The following RPS4Y2 variants were observed in gnomAD, a reference collection of about 807,000 sequenced individuals.
RPS4Y2 encodes the protein small ribosomal subunit protein eS4, Y isoform 2.
In RPS4Y2, 6 loss-of-function variants were observed where a neutral mutation model predicts 5.0. The observed-to-expected ratio is 1.20, with a 90% CI of 0.66 to 2.37. The LOEUF (loss-of-function observed/expected upper bound fraction) is 2.37, where lower values mean the gene tolerates loss of function less well. Ranked by LOEUF, RPS4Y2 falls within the 30% of genes most tolerant of loss-of-function variation. The pLI is 0.00. For synonymous variants in RPS4Y2, 19 were observed against 19.9 expected (o/e 0.96, Z 0.12); for missense variants, 80 against 59.5 (o/e 1.34, Z -1.13).
In RPS4Y2 at chrY:20,761,306, A is replaced by G. The variant is rs752605582; in HGVS notation, c.285A>G (p.Thr95=). Residue 95 remains threonine (T), a synonymous_variant, in exon 4 of 7, where the codon ACA becomes ACG. Coordinates refer to ENST00000629237, the MANE Select transcript of RPS4Y2 (RefSeq NM_001039567.3). ...GFIDVISIEK[T]GEHFRLVYNT... The stretch of plus-strand genomic sequence containing the variant: ...CAGATGTCATCAGCATTGAGAAAAC[A>G]GGTGAGCATTTCCGCCTGGTCTATA... 5.1e-6 allele frequency: 2 copies of G among 392,681 alleles called. No homozygotes were observed. Among genetic ancestry groups the G allele is most frequent in the Non-Finnish European group, 3.6e-6 (1 of 277,894 alleles).
At position 20,759,894 on chromosome Y, in the gene RPS4Y2, C is replaced by A. The variant is rs754924249; in HGVS notation, c.108C>A (p.His36Gln). 5.0e-6 allele frequency: 2 copies of A among 398,511 alleles called. No individual in the cohort carries two copies. Among genetic ancestry groups the A allele is most frequent in the Non-Finnish European group, 7.1e-6 (2 of 283,224 alleles). The change falls in exon 3 of 7, where the codon CAC becomes CAA. Residue 36 changes from histidine to glutamine, a missense_variant. Physicochemically the swap from His to Gln is conservative, Grantham distance 24 (BLOSUM62 0). Coordinates refer to ENST00000629237, the MANE Select transcript of RPS4Y2 (RefSeq NM_001039567.3). ...CACCTCGTCCATCGACAGGTCCTCA[C>A]AAGCTGAGGGAATGTCTTCCCCTGA... ...VFAPRPSTGP[H>Q]KLRECLPLIV...
In RPS4Y2 at chrY:20,756,153, G is replaced by A. The variant is rs376473093; in HGVS notation, c.-11G>A. ...AAAAGGAGAGGTTCTGTTCCGTCGCGGGATTTCGCCATGGTAAGACGTCTG... is the reference window on the plus strand; with the variant it reads ...AAAAGGAGAGGTTCTGTTCCGTCGCAGGATTTCGCCATGGTAAGACGTCTG... On this transcript the variant is annotated 5_prime_UTR_variant, in exon 1 of 7. Transcript: ENST00000629237. 1.0e-5 allele frequency: 4 copies of A among 397,350 alleles called. No homozygotes were observed. Among genetic ancestry groups the A allele is most frequent in the Non-Finnish European group, 1.1e-5 (3 of 281,922 alleles).
chrY:20,759,918 G>A lies in RPS4Y2; in HGVS notation c.132G>A (p.Leu44=). 2.5e-6 allele frequency: 1 copy of A among 398,276 alleles called. No individual in the cohort carries two copies. Among genetic ancestry groups the A allele is most frequent in the Non-Finnish European group, 3.5e-6 (1 of 282,972 alleles). ...GPHKLRECLP[L]IVFLRNRLKY... is the part of the protein sequence containing the mutation. ...ACAAGCTGAGGGAATGTCTTCCCCTGATAGTCTTCCTCAGGAATAGACTCA... is the reference window on the plus strand; with the variant it reads ...ACAAGCTGAGGGAATGTCTTCCCCTAATAGTCTTCCTCAGGAATAGACTCA... The change falls in exon 3 of 7, where the codon CTG becomes CTA. Residue 44 remains leucine, a synonymous_variant. Transcript: ENST00000629237.
Position 20,780,999 on chromosome Y carries a change from C to A in RPS4Y2, c.759C>A (p.Asp253Glu). The part of the protein sequence containing the change: ...GIRLTIAEER[D>E]KRLAAKQSSG ...GACTTACTATTGCTGAAGAGAGAGACAAGAGGCTGGCTGCCAAACAGAGCA... is the reference window on the plus strand; with the variant it reads ...GACTTACTATTGCTGAAGAGAGAGAAAAGAGGCTGGCTGCCAAACAGAGCA... The change falls in exon 7 of 7, where the codon GAC becomes GAA. Residue 253 changes from aspartate to glutamate, a missense_variant. Physicochemically the swap from Asp to Glu is conservative, Grantham distance 45. Coordinates refer to ENST00000629237, the MANE Select transcript of RPS4Y2 (RefSeq NM_001039567.3). The A allele has an allele frequency of 2.5e-6, 1 of 393,466 alleles. No individual in the cohort carries two copies. Among genetic ancestry groups the A allele is most frequent in the South Asian group, 3.0e-5 (1 of 33,340 alleles).
intron 4 of RPS4Y2, 33 bp downstream of exon 4, chrY:20,761,414 G>A: frequency 3.5e-6 from 1 of 283,903 alleles, no homozygotes. Context: ...AGACAGATAG[G>A]TCTGTTGCTA....
Position 20,756,150 on chromosome Y carries a change from C to T in RPS4Y2, c.-14C>T. On this transcript the variant is annotated 5_prime_UTR_variant, in exon 1 of 7. Coordinates refer to ENST00000629237, the MANE Select transcript of RPS4Y2 (RefSeq NM_001039567.3). ...CGTAAAAGGAGAGGTTCTGTTCCGT[C>T]GCGGGATTTCGCCATGGTAAGACGT... is the stretch of plus-strand genomic sequence containing the variant. 2.5e-6 allele frequency: 1 copy of T among 396,667 alleles called. No homozygotes were observed.
Position 20,780,974 on chromosome Y carries a change from G to A in RPS4Y2, c.734G>A (p.Arg245Gln), listed in dbSNP as rs778334861. 2.5e-6 allele frequency: 1 copy of A among 395,538 alleles called. No homozygotes were observed. The highest frequency in any genetic ancestry group is 3.6e-6 in the Non-Finnish European group (1 of 280,926). Reference protein sequence around the residue: ...WISLPRGKGIRLTIAEERDKR... With the variant: ...WISLPRGKGIQLTIAEERDKR... ...TCCCTGCCCAGGGGAAAGGGCATCC[G>A]ACTTACTATTGCTGAAGAGAGAGAC... The change falls in exon 7 of 7, where the codon CGA (arginine) becomes CAA (glutamine). Residue 245 changes from arginine to glutamine, a missense_variant. Arg to Gln is a conservative substitution (Grantham distance 43). Transcript: ENST00000629237.
In RPS4Y2 at chrY:20,760,011, G is replaced by T; in HGVS notation, c.225G>T (p.Lys75Asn). The T allele has an allele frequency of 5.0e-6, 2 of 398,188 alleles. No homozygotes were observed. Among genetic ancestry groups the T allele is most frequent in the Non-Finnish European group, 7.1e-6 (2 of 282,708 alleles). Residue 75 changes from lysine (K) to asparagine (N), a missense_variant, in exon 3 of 7, where the codon AAG becomes AAT. Coordinates refer to ENST00000629237, the MANE Select transcript of RPS4Y2 (RefSeq NM_001039567.3). ...AACACTTCCTCAAAATTGATGGCAA[G>T]GTTCGAGTGGACATCACATACCCTG... Reference protein sequence around the residue: ...CMQHFLKIDGKVRVDITYPAG... With the variant: ...CMQHFLKIDGNVRVDITYPAG...
intron 5 of RPS4Y2, 36 bp downstream of exon 5, chrY:20,769,012 C>T: frequency 4.0e-6 from 1 of 248,040 alleles, no homozygotes; most frequent in Non-Finnish European, 6.5e-6. Flanking sequence ...TTTCCCTTGT[C>T]TGTTGGCCAC....
intron 4 of RPS4Y2, 26 bp from the exon 5 acceptor site, chrY:20,768,779 T>A: frequency 2.7e-6 from 1 of 375,201 alleles, no homozygotes; most frequent in Non-Finnish European, 3.8e-6. Flanking sequence ...GTTTACATGC[T>A]AAATTGGTTT....
At chrY:20,756,690 C>A in intron 1 of RPS4Y2, 88 bp from the exon 2 acceptor site, 5 of 241,427 alleles carry the variant, frequency 2.1e-5, no homozygotes, top group South Asian at 1.7e-4. Flanking sequence ...TCCGGTATTA[C>A]CCGTTAGCAG....
chrY:20,761,382 G>A lies in RPS4Y2; in HGVS notation c.360+1G>A. The A allele has an allele frequency of 2.8e-6, 1 of 358,756 alleles. No individual in the cohort carries two copies. Among genetic ancestry groups the A allele is most frequent in the Non-Finnish European group, 4.0e-6 (1 of 246,932 alleles). 89.5% of individuals were successfully genotyped at this position (358,756 alleles called of 400,897 possible). On this transcript the variant is annotated splice_donor_variant, in intron 4 of 6. Transcript: ENST00000629237. LOFTEE classifies it high-confidence loss of function. ...TCGTATCACAGTGGAAGAGGCAAAGGTAAGTGAGCTTTATAATTTCCAGAC... is the reference window on the plus strand; with the variant it reads ...TCGTATCACAGTGGAAGAGGCAAAGATAAGTGAGCTTTATAATTTCCAGAC...
At position 20,768,841 on chromosome Y, in the gene RPS4Y2, A is replaced by G. The variant is rs765996121; in HGVS notation, c.397A>G (p.Thr133Ala). The G allele has an allele frequency of 6.3e-5, 25 of 394,471 alleles. No homozygotes were observed. In the South Asian group the frequency reaches 7.4e-4, roughly 12 times the overall value. ...LCKVRKITVG[T>A]KGIPHLVTHD... ...CAAAGTGAGGAAGATTACTGTGGGG[A>G]CAAAGGGAATTCCACACCTGGTGAC... The change falls in exon 5 of 7, where the codon ACA becomes GCA. Residue 133 changes from threonine to alanine, a missense_variant. Coordinates refer to ENST00000629237, the MANE Select transcript of RPS4Y2 (RefSeq NM_001039567.3).
intron 3 of RPS4Y2, 116 bp from the exon 4 acceptor site, chrY:20,761,168 G>A (rs755850798): frequency 5.9e-3 from 975 of 165,415 alleles, no homozygotes; most frequent in Middle Eastern, 0.051. Context: ...CCCATCAAGC[G>A]CTGGGGACCC....
chrY:20,781,017 A>G lies in RPS4Y2; in HGVS notation c.777A>G (p.Lys259=). 2.7e-6 allele frequency: 1 copy of G among 373,323 alleles called. No individual in the cohort carries two copies. Among genetic ancestry groups the G allele is most frequent in the Non-Finnish European group, 3.8e-6 (1 of 262,161 alleles). The allele number at this position is 373,323 out of a possible 400,897, so 93.1% of individuals were successfully genotyped here. Reference sequence around the variant, plus strand: ...AGAGAGACAAGAGGCTGGCTGCCAAACAGAGCAGTGGCTAAATTACAGTAG... The same window carrying G: ...AGAGAGACAAGAGGCTGGCTGCCAAGCAGAGCAGTGGCTAAATTACAGTAG... ...AEERDKRLAA[K]QSSG Residue 259 remains lysine (K), a synonymous_variant, in exon 7 of 7, where the codon AAA becomes AAG. Transcript: ENST00000629237.
Position 20,768,900 on chromosome Y carries a change from T to A in RPS4Y2, c.456T>A (p.Pro152=). ...HDARTIRYPD[P]LIKVNDTVQI... Reference sequence around the variant, plus strand: ...CTCGAACCATTCGCTACCCAGATCCTCTCATCAAGGTGAACGATACTGTGC... The same window carrying A: ...CTCGAACCATTCGCTACCCAGATCCACTCATCAAGGTGAACGATACTGTGC... The change falls in exon 5 of 7, where the codon CCT becomes CCA. Residue 152 remains proline, a synonymous_variant. Coordinates refer to ENST00000629237, the MANE Select transcript of RPS4Y2 (RefSeq NM_001039567.3). The A allele has an allele frequency of 7.6e-6, 3 of 392,193 alleles. No individual in the cohort carries two copies. Among genetic ancestry groups the A allele is most frequent in the Non-Finnish European group, 1.1e-5 (3 of 277,527 alleles).
intron 1 of RPS4Y2, 151 bp from the exon 2 acceptor site, chrY:20,756,627 A>G: frequency 5.7e-6 from 1 of 175,516 alleles, no homozygotes; most frequent in Non-Finnish European, 1.1e-5. Context: ...GCAGGAAGTA[A>G]TATTTGCTCA....
Position 20,756,780 on chromosome Y carries a change from C to T in RPS4Y2, c.6C>T (p.Ala2=). 1 of 398,144 alleles carries T rather than the reference C, an allele frequency of 2.5e-6. No homozygotes were observed. The highest frequency in any genetic ancestry group is 3.5e-6 in the Non-Finnish European group (1 of 283,026). M[A]RGPKKHLKRV... Reference sequence around the variant, plus strand: ...AAAAAGTTTGGTGTCTTTTTCAGGCCCGGGGCCCCAAGAAGCACTTGAAGC... The same window carrying T: ...AAAAAGTTTGGTGTCTTTTTCAGGCTCGGGGCCCCAAGAAGCACTTGAAGC... Residue 2 remains alanine, a splice_region_variant and synonymous_variant, in exon 2 of 7, where the codon GCC becomes GCT. Transcript: ENST00000629237.
At chrY:20,760,104 G>A in intron 3 of RPS4Y2, 56 bp downstream of exon 3, 1 of 310,188 alleles carries the variant, frequency 3.2e-6, no homozygotes, top group African/African-American at 6.8e-5. Context: ...AAAACAAGGT[G>A]TGAGGCTTAC....
Sources: gnomAD v4.1 joint callset for allele counts on GRCh38, gnomAD v4.1.1 for gene constraint, MANE v1.5 for transcripts, NCBI Gene and HGNC (gene_info 2026-07-23, HGNC 2026-07-21) for gene names.